Variants in IFTAP observed in about 807,000 individuals in gnomAD.
IFTAP encodes intraflagellar transport associated protein.
Under a neutral mutation model 19.4 loss-of-function variants are expected in IFTAP, and 19 were observed. That is an observed-to-expected ratio of 0.98 (90% CI 0.68 to 1.44). IFTAP has a LOEUF of 1.44. Ranked by LOEUF, IFTAP falls within the 40% of genes most tolerant of loss-of-function variation. IFTAP has a pLI of 0.00. For synonymous variants in IFTAP, 85 were observed against 83.5 expected (o/e 1.02, Z -0.10); for missense variants, 240 against 253.6 (o/e 0.95, Z 0.36).
At chr11:36,652,937 G>T (rs532090527) in intron 5 of IFTAP, among the ~76,000 whole-genome samples, 5 of 152,052 alleles carry the variant, frequency 3.3e-5, no homozygotes, top group African/African-American at 1.2e-4. Flanking sequence ...AAGCTGCTTT[G>T]TTCTGTAGAC....
chr11:36,655,480 G>T (rs1482050508), intron 5 of IFTAP, among the ~76,000 whole-genome samples: 1 of 152,036 alleles, frequency 6.6e-6, no homozygotes, highest in African/African-American at 2.4e-5. Flanking sequence ...TTTCATATAG[G>T]TCTTCATCTT....
At chr11:36,641,888 A>G (rs892359998) in intron 4 of IFTAP, among the ~76,000 whole-genome samples, 7 of 152,138 alleles carry the variant, frequency 4.6e-5, no homozygotes, top group African/African-American at 1.7e-4. Context: ...AAAGTCTCCC[A>G]TTATTATTGT....
At chr11:36,614,604 T>C (rs376550788) in intron 2 of IFTAP, among the ~76,000 whole-genome samples, 6 of 148,396 alleles carry the variant, frequency 4.0e-5, no homozygotes, top group Non-Finnish European at 7.4e-5. Context: ...TTTTAATGAT[T>C]GCCATTCTAA....
chr11:36,633,479 G>A, intron 3 of IFTAP, 41 bp downstream of exon 3: 1 of 1,381,690 alleles, frequency 7.2e-7, no homozygotes, highest in Non-Finnish European at 9.5e-7. Context: ...AATCTCAGAA[G>A]AAAAGAATTC....
intron 4 of IFTAP, among the ~76,000 whole-genome samples, chr11:36,645,896 T>G (rs879256083): frequency 2.6e-5 from 4 of 152,288 alleles, no homozygotes; most frequent in Non-Finnish European, 5.9e-5. Context: ...AAAGTTGAGG[T>G]GTACAAAATT....
At chr11:36,609,628 C>G (rs1300485039) in intron 1 of IFTAP, among the ~76,000 whole-genome samples, 1 of 152,078 alleles carries the variant, frequency 6.6e-6, no homozygotes, top group Admixed American at 6.6e-5. Context: ...CATACTGACT[C>G]TGTGACCTTA....
At chr11:36,626,528 C>A (rs76982025) in intron 2 of IFTAP, among the ~76,000 whole-genome samples, 1,822 of 151,292 alleles carry the variant, frequency 0.012, 28 homozygotes, top group East Asian at 0.031. Context: ...TAATTGTTAC[C>A]CATCTTTTAG....
chr11:36,633,294 G>A lies in IFTAP; in HGVS notation c.147G>A (p.Val49=), dbSNP rs1420820356. ...AACTTCTTATTTCAGAGGATCATGT[G>A]TCCAAAAGGGGAGTGTTTGGAACTG... ...TFTHLSQEDH[V]SKRGVFGTDS... The change falls in exon 3 of 6, where the codon GTG becomes GTA. Residue 49 remains valine, a synonymous_variant. Coordinates refer to ENST00000334307, the MANE Select transcript of IFTAP (RefSeq NM_138787.4). 1 of 1,553,516 alleles carries A rather than the reference G, an allele frequency of 6.4e-7. No individual in the cohort carries two copies. The highest frequency in any genetic ancestry group is 2.0e-5 in the Admixed American group (1 of 51,224).
rs76761232 is a variant in IFTAP, at chr11:36,611,236, C to A, written c.136+997C>A. ...TGCTTCAGATTGCCATCAGCTTGCT[C>A]TCAACCTTGATCCTTTCTGGGTCAT... is the stretch of plus-strand genomic sequence containing the variant. On this transcript the variant is annotated intron_variant, in intron 2 of 5. Transcript: ENST00000334307. Among the ~76,000 whole-genome samples, 4 of 152,188 alleles carry A rather than the reference C, an allele frequency of 2.6e-5. No individual in the cohort carries two copies. The East Asian group carries it at 7.7e-4, about 29-fold the overall frequency.
intron 3 of IFTAP, 41 bp downstream of exon 3, chr11:36,633,479 G>C: frequency 2.2e-6 from 3 of 1,381,682 alleles, no homozygotes. Flanking sequence ...AATCTCAGAA[G>C]AAAAGAATTC....
intron 2 of IFTAP, among the ~76,000 whole-genome samples, chr11:36,611,093 C>T (rs185930858): frequency 6.6e-6 from 1 of 152,110 alleles, no homozygotes; most frequent in East Asian, 1.9e-4. Context: ...CCAGTGAGCT[C>T]CTTAGTTTGT....
intron 5 of IFTAP, among the ~76,000 whole-genome samples, chr11:36,655,763 G>A (rs978808392): frequency 6.6e-6 from 1 of 152,098 alleles, no homozygotes; most frequent in African/African-American, 2.4e-5. Context: ...AATAGCTGCT[G>A]TTGATAACCC....
At chr11:36,616,784 G>A (rs11033716) in intron 2 of IFTAP, among the ~76,000 whole-genome samples, 3,874 of 151,938 alleles carry the variant, frequency 0.025, 164 homozygotes, top group African/African-American at 0.088. Flanking sequence ...CTAGCAACAT[G>A]TAGCTATTGA....
chr11:36,612,395 G>C (rs1328185485), intron 2 of IFTAP, among the ~76,000 whole-genome samples: 1 of 151,844 alleles, frequency 6.6e-6, no homozygotes, highest in Non-Finnish European at 1.5e-5. Context: ...TCTTAAATCA[G>C]TAAGTGTCCT....
intron 1 of IFTAP, among the ~76,000 whole-genome samples, chr11:36,609,337 G>A (rs959541536): frequency 4.7e-4 from 72 of 152,200 alleles, no homozygotes; most frequent in African/African-American, 1.5e-3. Flanking sequence ...AAGAAAGACA[G>A]AAATTTTTCA....
At chr11:36,612,715 G>A (rs1351512839) in intron 2 of IFTAP, among the ~76,000 whole-genome samples, 1 of 151,978 alleles carries the variant, frequency 6.6e-6, no homozygotes, top group Non-Finnish European at 1.5e-5. Flanking sequence ...CATTTCCACT[G>A]ATTGACTGTT....
chr11:36,628,817 T>C (rs186062098), intron 2 of IFTAP, among the ~76,000 whole-genome samples: 1 of 151,388 alleles, frequency 6.6e-6, no homozygotes. Context: ...ACCAGGGTTG[T>C]GCATTTGTGC....
chr11:36,638,981 G>A (rs1039997935), intron 4 of IFTAP, among the ~76,000 whole-genome samples: 2 of 152,320 alleles, frequency 1.3e-5, no homozygotes, highest in South Asian at 2.1e-4. Flanking sequence ...GGTAGCGTCT[G>A]CCACAGAGTT....
At chr11:36,648,824 A>T (rs573141765) in intron 5 of IFTAP, among the ~76,000 whole-genome samples, 12 of 152,240 alleles carry the variant, frequency 7.9e-5, no homozygotes, top group African/African-American at 2.6e-4. Context: ...CTCACATTCC[A>T]TTGGTGACCA....
Sources: allele counts gnomAD v4.1 joint callset (sites outside exome capture counted in the v4.1 genomes callset), GRCh38; gene constraint gnomAD v4.1.1; transcripts MANE v1.5; gene names NCBI Gene and HGNC (gene_info 2026-07-23, HGNC 2026-07-21).